Variants in KHDRBS3 observed in about 807,000 individuals in gnomAD.
KHDRBS3 encodes KH RNA binding domain containing, signal transduction associated 3.
A neutral mutation model predicts 45.6 loss-of-function variants in KHDRBS3; 23 were observed. That is an observed-to-expected ratio of 0.50 (90% CI 0.36 to 0.72). The LOEUF (loss-of-function observed/expected upper bound fraction) is 0.72. KHDRBS3 is among the 30% of genes least tolerant of loss of function. KHDRBS3 has a pLI of 0.00. For synonymous variants in KHDRBS3, 162 were observed against 156.5 expected (o/e 1.04, Z -0.26); for missense variants, 352 against 424.8 (o/e 0.83, Z 1.51).
intron 1 of KHDRBS3, among the ~76,000 whole-genome samples, chr8:135,487,784 G>A (rs1158245354): frequency 2.0e-5 from 3 of 152,170 alleles, no homozygotes; most frequent in African/African-American, 7.2e-5. Context: ...GGAAGGGAGA[G>A]AGGATGAGCG....
At chr8:135,655,677 G>A (rs561679789) in intron 4 of KHDRBS3, among the ~76,000 whole-genome samples, 9 of 152,336 alleles carry the variant, frequency 5.9e-5, no homozygotes, top group Non-Finnish European at 1.0e-4. Flanking sequence ...GACCAGAGTC[G>A]TGAGAAGTCA....
intron 5 of KHDRBS3, among the ~76,000 whole-genome samples, chr8:135,580,582 A>G (rs1828152622): frequency 1.3e-5 from 2 of 149,146 alleles, no homozygotes; most frequent in South Asian, 2.1e-4. Context: ...AAATAATGAA[A>G]TCCTCTTCCT....
chr8:135,467,623 T>G, intron 1 of KHDRBS3, among the ~76,000 whole-genome samples: 1 of 152,278 alleles, frequency 6.6e-6, no homozygotes, highest in East Asian at 1.9e-4. Flanking sequence ...GATGTTTCCT[T>G]AAAATTAGAT....
intron 6 of KHDRBS3, among the ~76,000 whole-genome samples, chr8:135,584,610 C>T (rs1828375231): frequency 6.6e-6 from 1 of 152,188 alleles, no homozygotes; most frequent in South Asian, 2.1e-4. Flanking sequence ...GCTTCAGTGG[C>T]TTTTTCAGTA....
At chr8:135,524,916 T>C (rs1267405501) in intron 2 of KHDRBS3, among the ~76,000 whole-genome samples, 6 of 152,184 alleles carry the variant, frequency 3.9e-5, no homozygotes, top group African/African-American at 1.4e-4. Context: ...TTTAATTCAT[T>C]GCAAGTGTTA....
intron 7 of KHDRBS3, among the ~76,000 whole-genome samples, chr8:135,627,289 A>G (rs1482896717): frequency 6.6e-6 from 1 of 152,168 alleles, no homozygotes; most frequent in Non-Finnish European, 1.5e-5. Flanking sequence ...CACAGTGGCT[A>G]TTATACTTCC....
intron 7 of KHDRBS3, among the ~76,000 whole-genome samples, chr8:135,642,011 G>A (rs537688244): frequency 6.6e-6 from 1 of 152,186 alleles, no homozygotes. Flanking sequence ...GGGAAAATTA[G>A]GACTACAGAA....
At chr8:135,528,776 C>G (rs573729801) in intron 2 of KHDRBS3, among the ~76,000 whole-genome samples, 1 of 152,290 alleles carries the variant, frequency 6.6e-6, no homozygotes, top group East Asian at 1.9e-4. Flanking sequence ...GCTGCCTCCT[C>G]GCATAGTAGT....
chr8:135,617,358 A>G (rs1016145286), intron 7 of KHDRBS3, among the ~76,000 whole-genome samples: 3 of 150,912 alleles, frequency 2.0e-5, no homozygotes, highest in Non-Finnish European at 2.9e-5. Context: ...GCTTACTGCA[A>G]CCTCCGTCTC....
At chr8:135,546,791 A>G (rs1305272449) in intron 3 of KHDRBS3, among the ~76,000 whole-genome samples, 1 of 152,152 alleles carries the variant, frequency 6.6e-6, no homozygotes, top group African/African-American at 2.4e-5. Context: ...GGTTTAATGC[A>G]GAATTTCAAC....
chr8:135,533,843 G>A (rs963192245), intron 2 of KHDRBS3, among the ~76,000 whole-genome samples: 6 of 152,072 alleles, frequency 3.9e-5, no homozygotes, highest in African/African-American at 1.4e-4. Context: ...AAATATGTTC[G>A]GAACACTCAA....
At chr8:135,489,570 C>T (rs994004773) in intron 1 of KHDRBS3, among the ~76,000 whole-genome samples, 1 of 151,894 alleles carries the variant, frequency 6.6e-6, no homozygotes, top group Non-Finnish European at 1.5e-5. Flanking sequence ...CCCAGCTACT[C>T]AGGAGGCTGA....
chr8:135,630,977 G>A (rs978944470), intron 7 of KHDRBS3, among the ~76,000 whole-genome samples: 40 of 151,978 alleles, frequency 2.6e-4, no homozygotes, highest in Admixed American at 1.0e-3. Context: ...GGCCGGGCGC[G>A]GTGGCTCACG....
chr8:135,492,529 A>ATATG (rs1563718927), intron 1 of KHDRBS3, among the ~76,000 whole-genome samples: 1 of 149,824 alleles, frequency 6.7e-6, no homozygotes, highest in African/African-American at 2.4e-5. Context: ...ATATATATAT[A>ATATG]TATATTTCCT....
intron 2 of KHDRBS3, among the ~76,000 whole-genome samples, chr8:135,528,279 T>A (rs548728381): frequency 1.2e-4 from 18 of 152,340 alleles, no homozygotes; most frequent in African/African-American, 3.8e-4. Context: ...CTGTTCCTGG[T>A]GTTTCAGGGA....
At chr8:135,561,638 A>C (rs1827172312) in intron 5 of KHDRBS3, among the ~76,000 whole-genome samples, 1 of 151,662 alleles carries the variant, frequency 6.6e-6, no homozygotes, top group East Asian at 1.9e-4. Flanking sequence ...TCACACTTTT[A>C]ATACAAGATG....
chr8:135,591,500 C>T (rs1828741306), intron 6 of KHDRBS3, among the ~76,000 whole-genome samples: 1 of 152,114 alleles, frequency 6.6e-6, no homozygotes, highest in Non-Finnish European at 1.5e-5. Flanking sequence ...TGTGTGTTCT[C>T]CAGCTTCATG....
At chr8:135,530,356 C>T (rs1825410078) in intron 2 of KHDRBS3, among the ~76,000 whole-genome samples, 1 of 152,044 alleles carries the variant, frequency 6.6e-6, no homozygotes, top group Non-Finnish European at 1.5e-5. Flanking sequence ...GAACATAATC[C>T]CTCTTTTCTA....
intron 3 of KHDRBS3, among the ~76,000 whole-genome samples, chr8:135,543,534 C>A (rs1197542071): frequency 6.6e-6 from 1 of 152,074 alleles, no homozygotes; most frequent in Admixed American, 6.6e-5. Context: ...AAACACAATC[C>A]AACATCCTCA....
Sources: allele counts gnomAD v4.1 joint callset (sites outside exome capture counted in the v4.1 genomes callset), GRCh38; gene constraint gnomAD v4.1.1; transcripts MANE v1.5; gene names NCBI Gene and HGNC (gene_info 2026-07-23, HGNC 2026-07-21).